The following KIF2C variants were observed in gnomAD, a reference collection of about 807,000 sequenced individuals.
The protein encoded by KIF2C is kinesin-like protein KIF2C.
In KIF2C, 34 loss-of-function variants were observed where a neutral mutation model predicts 97.4. The observed-to-expected ratio is 0.35, with a 90% CI of 0.27 to 0.46. The LOEUF (loss-of-function observed/expected upper bound fraction) is 0.46. Among genes scored for constraint, KIF2C ranks in the 20% least tolerant of loss-of-function variants. KIF2C has a pLI of 1.00. For synonymous variants in KIF2C, 313 were observed against 318.2 expected, an observed-to-expected ratio of 0.98 and a Z score of 0.17; for missense variants, 750 against 907.6, an observed-to-expected ratio of 0.83 and a Z score of 2.23.
At chr1:44,748,737 A>C (rs953316174) in intron 4 of KIF2C, among the ~76,000 whole-genome samples, 4 of 144,938 alleles carry the variant, frequency 2.8e-5, no homozygotes, top group Admixed American at 6.9e-5. Flanking sequence ...TGTAGAGACA[A>C]GGTCTCACTA....
chr1:44,752,397 G>A (rs1180087242), intron 5 of KIF2C, among the ~76,000 whole-genome samples: 1 of 152,000 alleles, frequency 6.6e-6, no homozygotes, highest in African/African-American at 2.4e-5. Flanking sequence ...GCCTCCCAAA[G>A]TGCTGGGATT....
chr1:44,747,151 T>TA (rs1649243706), intron 2 of KIF2C, among the ~76,000 whole-genome samples: 2 of 151,716 alleles, frequency 1.3e-5, no homozygotes, highest in Admixed American at 6.6e-5. Flanking sequence ...CTACTGGAAA[T>TA]ACAAAAATTA....
intron 3 of KIF2C, 76 bp from the exon 4 acceptor site, chr1:44,747,576 A>T: frequency 1.9e-6 from 3 of 1,569,594 alleles, no homozygotes; most frequent in Non-Finnish European, 2.6e-6. Flanking sequence ...GCATTTTAGC[A>T]TAGTACATGG....
intron 4 of KIF2C, 101 bp downstream of exon 4, chr1:44,747,801 A>G: frequency 9.8e-7 from 1 of 1,015,986 alleles, no homozygotes; most frequent in Non-Finnish European, 1.5e-6. Context: ...GGTGGTTTCT[A>G]TGTGGGTTGA....
At chr1:44,758,336 C>T (rs535754595) in intron 13 of KIF2C, among the ~76,000 whole-genome samples, 196 bp downstream of exon 13, 1 of 152,270 alleles carries the variant, frequency 6.6e-6, no homozygotes, top group East Asian at 1.9e-4. Context: ...AGAAGTATGG[C>T]AAGAATACTC....
Position 44,753,124 on chromosome 1 carries a change from C to T in KIF2C, c.440-8C>T, listed in dbSNP as rs1318896869. The T allele has an allele frequency of 6.2e-7, 1 of 1,608,630 alleles. No individual in the cohort carries two copies. The highest frequency in any genetic ancestry group is 1.1e-5 in the South Asian group (1 of 90,638). On this transcript the variant is annotated splice_region_variant and splice_polypyrimidine_tract_variant and intron_variant, in intron 5 of 20. Coordinates refer to ENST00000372224, the MANE Select transcript of KIF2C (RefSeq NM_006845.4). The stretch of plus-strand genomic sequence containing the variant: ...CCTGCTTCTCCAGTGACTCTTGTTC[C>T]CCTACAGCTGCCCCCACTAGGCCTT...
intron 2 of KIF2C, among the ~76,000 whole-genome samples, chr1:44,745,462 G>GTTT (rs1557589253): frequency 2.3e-5 from 1 of 42,748 alleles, no homozygotes; most frequent in African/African-American, 1.2e-4. Flanking sequence ...GGTTGTATAT[G>GTTT]TCTTTTTTTT....
At chr1:44,754,907 T>G (rs1649735901) in intron 8 of KIF2C, 62 bp downstream of exon 8, 1 of 1,002,626 alleles carries the variant, frequency 1.0e-6, no homozygotes, top group Non-Finnish European at 1.6e-6. Context: ...AAAACTTCTC[T>G]TTACAGGAAT....
At chr1:44,745,102 T>C (rs1035093676) in intron 2 of KIF2C, among the ~76,000 whole-genome samples, 1 of 151,008 alleles carries the variant, frequency 6.6e-6, no homozygotes, top group Non-Finnish European at 1.5e-5. Flanking sequence ...GGCAGGAGAA[T>C]CACTTGAACC....
intron 19 of KIF2C, among the ~76,000 whole-genome samples, chr1:44,765,106 C>T (rs1650383439): frequency 6.6e-6 from 1 of 151,954 alleles, no homozygotes; most frequent in African/African-American, 2.4e-5. Context: ...GGCAACAGAG[C>T]AAGACTGTCT....
chr1:44,747,569 T>C, intron 3 of KIF2C, 83 bp from the exon 4 acceptor site: 1 of 1,568,310 alleles, frequency 6.4e-7, no homozygotes, highest in Non-Finnish European at 8.7e-7. Flanking sequence ...TTGTCTGGCA[T>C]TTTAGCATAG....
In KIF2C at chr1:44,760,197, C is replaced by G; in HGVS notation, c.1368-83C>G. The G allele has an allele frequency of 7.8e-7, 1 of 1,289,784 alleles. No homozygotes were observed. The highest frequency in any genetic ancestry group is 1.1e-6 in the Non-Finnish European group (1 of 900,482). 79.9% of individuals were successfully genotyped at this position (1,289,784 alleles called of 1,614,324 possible). ...ACTTTTTCGCCTCCTAACCTGTGTC[C>G]CTCCCTTCCTAGAGAACTTCTGTGG... On this transcript the variant is annotated intron_variant, in intron 14 of 20. Coordinates refer to ENST00000372224, the MANE Select transcript of KIF2C (RefSeq NM_006845.4). This position sits in a 1 kb window ranked among gnomAD's most constrained non-coding sequence, Gnocchi z 4.2.
At chr1:44,750,335 TC>T in intron 4 of KIF2C, 106 bp from the exon 5 acceptor site, 1 of 1,218,062 alleles carries the variant, frequency 8.2e-7, no homozygotes, top group Non-Finnish European at 1.1e-6. Flanking sequence ...CGAGCCCCTT[TC>T]CTGGTAGCTG....
At chr1:44,741,523 A>G (rs572664190) in intron 2 of KIF2C, among the ~76,000 whole-genome samples, 2 of 152,244 alleles carry the variant, frequency 1.3e-5, no homozygotes, top group South Asian at 4.1e-4. Context: ...TGTCTCTACA[A>G]AAAAATTAAA....
At chr1:44,756,025 TG>T (rs1413235894) in intron 9 of KIF2C, 42 bp downstream of exon 9, 1 of 1,614,058 alleles carries the variant, frequency 6.2e-7, no homozygotes, top group Non-Finnish European at 8.5e-7. Context: ...GACTGACTAA[TG>T]GGCCTTCTGT....
intron 2 of KIF2C, among the ~76,000 whole-genome samples, chr1:44,745,503 C>T (rs753513082): frequency 2.4e-3 from 161 of 65,920 alleles, no homozygotes; most frequent in Non-Finnish European, 3.6e-3. Flanking sequence ...GACAGTGTTT[C>T]GCTCTTGTTG....
At chr1:44,754,370 C>T (rs370640473) in intron 7 of KIF2C, among the ~76,000 whole-genome samples, 3 of 152,264 alleles carry the variant, frequency 2.0e-5, no homozygotes, top group East Asian at 3.9e-4. Flanking sequence ...GCTCACATGG[C>T]GTGATGGCCA....
chr1:44,756,583 G>C (rs1042337863), intron 10 of KIF2C, among the ~76,000 whole-genome samples: 1 of 76,000 alleles, frequency 1.3e-5, no homozygotes, highest in Non-Finnish European at 2.4e-5. Context: ...ACGGAGTTTT[G>C]CTCTTGTTGC....
At chr1:44,755,754 T>A (rs985501697) in intron 8 of KIF2C, among the ~76,000 whole-genome samples, 175 bp from the exon 9 acceptor site, 1 of 152,178 alleles carries the variant, frequency 6.6e-6, no homozygotes. Context: ...CAAAATCCAG[T>A]GCTCCCTTCT....
Sources: gnomAD v4.1 joint callset for allele counts (sites outside exome capture counted in the v4.1 genomes callset) on GRCh38, gnomAD v4.1.1 for gene constraint, Gnocchi (gnomAD v3.1) non-coding constraint, MANE v1.5 for transcripts, NCBI Gene and HGNC (gene_info 2026-07-23, HGNC 2026-07-21) for gene names.